MTFR2: variants seen among roughly 807,000 people sequenced by gnomAD.
MTFR2 encodes the protein mitochondrial fission regulator 2, also known as DUF729 domain-containing protein 1.
A neutral mutation model predicts 41.2 loss-of-function variants in MTFR2; 44 were observed. That is an observed-to-expected ratio of 1.07 (90% CI 0.84 to 1.37). MTFR2 has a LOEUF of 1.37. Ranked by LOEUF, MTFR2 falls within the 40% of genes most tolerant of loss-of-function variation. MTFR2 has a pLI of 0.00. For missense variants in MTFR2, 452 were observed against 459.5 expected (o/e 0.98, Z 0.15); for synonymous variants, 141 against 154.6 (o/e 0.91, Z 0.65).
intron 4 of MTFR2, among the ~76,000 whole-genome samples, chr6:136,242,220 C>A (rs1163203976): frequency 6.6e-6 from 1 of 151,708 alleles, no homozygotes; most frequent in South Asian, 2.1e-4. Context: ...CAATGGAGGA[C>A]CAGTCAGTGA....
chr6:136,242,945 G>A lies in MTFR2; in HGVS notation c.197C>T (p.Ser66Phe). Residue 66 changes from serine to phenylalanine, a missense_variant, in exon 4 of 8, where the codon TCT becomes TTT. Transcript: ENST00000420702. ...TGGAACCATAGATCCACAATTATCA[G>A]AGTCTACAGAGTTCAAGAGCGGGAT... ...ELIPLLNSVD[S>F]DNCGSMVPSF... The A allele has an allele frequency of 6.2e-7, 1 of 1,610,266 alleles. No individual in the cohort carries two copies. Among genetic ancestry groups the A allele is most frequent in the Non-Finnish European group, 8.5e-7 (1 of 1,179,134 alleles).
rs1338443673 is a variant in MTFR2 at position 136,242,910 on chromosome 6, C to T, written c.232G>A (p.Asp78Asn). The stretch of plus-strand genomic sequence containing the variant: ...TCATCATTTGCCACATACAAAATAT[C>T]AGCAAAAGATGGAACCATAGATCCA... Reference protein sequence around the residue: ...NCGSMVPSFADILYVANDEEA... With the variant: ...NCGSMVPSFANILYVANDEEA... The change falls in exon 4 of 8, where the codon GAT (aspartate) becomes AAT (asparagine). Residue 78 changes from aspartate (D) to asparagine (N), a missense_variant. Transcript: ENST00000420702. 8 of 1,613,186 alleles carry T rather than the reference C, an allele frequency of 5.0e-6. No individual in the cohort carries two copies. The highest frequency in any genetic ancestry group is 5.9e-6 in the Non-Finnish European group (7 of 1,179,782).
At chr6:136,248,835 C>A in intron 2 of MTFR2, 1 of 518,990 alleles carries the variant, frequency 1.9e-6, no homozygotes. Context: ...GGCATTTGTC[C>A]TATCAGGTAA....
rs1780095237 is a variant in MTFR2, at chr6:136,242,101, A to AC, written c.282-426_282-425insG. The stretch of plus-strand genomic sequence containing the variant: ...TCTCAAAAAAAAAAAAAAAAAAAAA[A>AC]AAAAAAACCTACTCTCTATCCCCCA... On this transcript the variant is annotated intron_variant, in intron 4 of 7. Coordinates refer to ENST00000420702, the MANE Select transcript of MTFR2 (RefSeq NM_001099286.3). Among the ~76,000 whole-genome samples, 3 of 150,514 alleles carry AC rather than the reference A, an allele frequency of 2.0e-5. 1 individual carries two copies. The highest frequency in any genetic ancestry group is 2.4e-5 in the African/African-American group (1 of 41,120).
intron 3 of MTFR2, 80 bp downstream of exon 3, chr6:136,244,685 G>T: frequency 1.1e-6 from 1 of 948,600 alleles, no homozygotes. Context: ...TTCTTCCTTT[G>T]TTGTTCTACC....
intron 6 of MTFR2, among the ~76,000 whole-genome samples, chr6:136,237,804 A>G (rs1262645773): frequency 6.6e-6 from 1 of 151,214 alleles, no homozygotes; most frequent in Non-Finnish European, 1.5e-5. Context: ...CGACAGAGCC[A>G]GACTCCATCT....
intron 5 of MTFR2, among the ~76,000 whole-genome samples, chr6:136,240,309 G>A (rs988533657): frequency 1.3e-5 from 2 of 151,834 alleles, no homozygotes; most frequent in East Asian, 1.9e-4. Context: ...GGGTAAACAC[G>A]ATTGCTTAAG....
chr6:136,242,886 C>G lies in MTFR2; in HGVS notation c.256G>C (p.Glu86Gln), dbSNP rs1264662467. The change falls in exon 4 of 8, where the codon GAA becomes CAA. Residue 86 changes from glutamate to glutamine, a missense_variant. Transcript: ENST00000420702. ...CGAAATCTGAGATAACTGGCTTCTT[C>G]ATCATTTGCCACATACAAAATATCA... ...FADILYVAND[E>Q]EASYLRFRNS... 1.2e-5 allele frequency: 20 copies of G among 1,612,792 alleles called. No homozygotes were observed. The highest frequency in any genetic ancestry group is 1.7e-5 in the Non-Finnish European group (20 of 1,179,670).
chr6:136,244,662 T>C (rs1427069644), intron 3 of MTFR2, 103 bp downstream of exon 3: 3 of 780,410 alleles, frequency 3.8e-6, no homozygotes, highest in Non-Finnish European at 6.3e-6. Context: ...GGTTTTTGGC[T>C]TGCAGGAAAT....
intron 2 of MTFR2, 40 bp downstream of exon 2, chr6:136,248,997 C>T: frequency 1.3e-6 from 2 of 1,544,484 alleles, no homozygotes; most frequent in Non-Finnish European, 1.8e-6. Flanking sequence ...AACCCAAGAA[C>T]AAATACAACA....
At position 136,239,510 on chromosome 6, in the gene MTFR2, G is replaced by A. The variant is rs368808981; in HGVS notation, c.825C>T (p.Asp275=). The part of the protein sequence containing the change: ...QRNKDIPNML[D]VLKDMNKVKL... ...TAACCTTATTCATATCCTTTAGAAC[G>A]TCCAACATGTTTGGAATATCTTTAT... The change falls in exon 6 of 8, where the codon GAC becomes GAT. Residue 275 remains aspartate (D), a synonymous_variant. Coordinates refer to ENST00000420702, the MANE Select transcript of MTFR2 (RefSeq NM_001099286.3). The A allele has an allele frequency of 1.8e-4, 286 of 1,613,998 alleles. 1 individual carries two copies. In the South Asian group the frequency reaches 2.6e-3, roughly 14 times the overall value.
At position 136,233,341 on chromosome 6, in the gene MTFR2, C is replaced by T; in HGVS notation, c.1028G>A (p.Ser343Asn). Residue 343 changes from serine to asparagine, a missense_variant, in exon 7 of 8, where the codon AGT becomes AAT. Transcript: ENST00000420702. ...NRSWESSPFSSPETSRFGHHI... is the reference protein window; with the variant it reads ...NRSWESSPFSNPETSRFGHHI... ...GTAGCTTACCCTTGAAGTTTCTGGA[C>T]TAGAAAATGGGGAAGATTCCCAAGA... is the stretch of plus-strand genomic sequence containing the variant. The T allele has an allele frequency of 1.9e-6, 3 of 1,612,566 alleles. No individual in the cohort carries two copies. The highest frequency in any genetic ancestry group is 1.7e-4 in the Middle Eastern group (1 of 6,042).
chr6:136,237,367 G>GA (rs1332794179), intron 6 of MTFR2, among the ~76,000 whole-genome samples: 5 of 151,876 alleles, frequency 3.3e-5, no homozygotes, highest in Non-Finnish European at 7.4e-5. Flanking sequence ...AAGCTAAAAG[G>GA]AAAAAAGAAA....
At chr6:136,237,439 A>G (rs893595646) in intron 6 of MTFR2, among the ~76,000 whole-genome samples, 1 of 152,238 alleles carries the variant, frequency 6.6e-6, no homozygotes, top group African/African-American at 2.4e-5. Context: ...CACTTTTAAT[A>G]CTGTCAGTGG....
At position 136,249,012 on chromosome 6, in the gene MTFR2, C is replaced by T. The variant is rs1179723538; in HGVS notation, c.63+25G>A. On this transcript the variant is annotated intron_variant, in intron 2 of 7. Transcript: ENST00000420702. ...AACCCAAGAACAAATACAACAGATC[C>T]ATTCCAATCCAAAACGACATTTACC... 12 of 1,579,494 alleles carry T rather than the reference C, an allele frequency of 7.6e-6. 1 individual carries two copies. Among genetic ancestry groups the T allele is most frequent in the Non-Finnish European group, 9.5e-6 (11 of 1,160,798 alleles).
At chr6:136,244,744 A>G in intron 3 of MTFR2, 21 bp downstream of exon 3, 1 of 1,535,238 alleles carries the variant, frequency 6.5e-7, no homozygotes, top group South Asian at 1.1e-5. Context: ...GTACTTAAAC[A>G]ATTTATGTTG....
At chr6:136,248,107 C>T (rs1475292910) in intron 2 of MTFR2, among the ~76,000 whole-genome samples, 1 of 152,154 alleles carries the variant, frequency 6.6e-6, no homozygotes, top group African/African-American at 2.4e-5. Flanking sequence ...CTACTTTCTT[C>T]TAATTCACCC....
In MTFR2 at chr6:136,233,355, A is replaced by C; in HGVS notation, c.1014T>G (p.Ser338=). 1.2e-6 allele frequency: 2 copies of C among 1,612,990 alleles called. No homozygotes were observed. The highest frequency in any genetic ancestry group is 1.7e-6 in the Non-Finnish European group (2 of 1,179,370). Residue 338 remains serine (S), a synonymous_variant, in exon 7 of 8, where the codon TCT becomes TCG. Transcript: ENST00000420702. Reference sequence around the variant, plus strand: ...AAGTTTCTGGACTAGAAAATGGGGAAGATTCCCAAGATCTATTCTCTTTCT... The same window carrying C: ...AAGTTTCTGGACTAGAAAATGGGGACGATTCCCAAGATCTATTCTCTTTCT... The part of the protein sequence containing the change: ...SFEKENRSWE[S]SPFSSPETSR...
At chr6:136,239,962 C>T in intron 5 of MTFR2, 142 bp from the exon 6 acceptor site, 1 of 645,642 alleles carries the variant, frequency 1.5e-6, no homozygotes, top group Non-Finnish European at 2.6e-6. Context: ...GTGTCAATCC[C>T]ATCTGCTTAG....
Sources: allele counts gnomAD v4.1 joint callset (sites outside exome capture counted in the v4.1 genomes callset), GRCh38; gene constraint gnomAD v4.1.1; transcripts MANE v1.5; gene names NCBI Gene and HGNC (gene_info 2026-07-23, HGNC 2026-07-21).